POU6F2: variants seen among roughly 807,000 people sequenced by gnomAD.
POU6F2 encodes POU class 6 homeobox 2, also known as POU domain, class 6, transcription factor 2.
POU6F2 carries 31 observed loss-of-function variants against 71.3 expected under a neutral mutation model. The ratio of observed to expected loss-of-function variants is 0.43; its 90% CI spans 0.33 to 0.59. The LOEUF is 0.59. Among genes scored for constraint, POU6F2 ranks in the 20% least tolerant of loss-of-function variants. The probability of loss-of-function intolerance (pLI) is 0.04; values close to 1 mark genes in which losing one functional copy is unlikely to be tolerated. For missense variants in POU6F2, 783 were observed against 856.8 expected (o/e 0.91, Z 1.07); for synonymous variants, 347 against 355.7 (o/e 0.98, Z 0.27).
chr7:39,118,385 G>C (rs561439835), intron 2 of POU6F2, among the ~76,000 whole-genome samples: 1 of 152,082 alleles, frequency 6.6e-6, no homozygotes, highest in African/African-American at 2.4e-5. Flanking sequence ...AAAAATAGAA[G>C]CAATGTATAC....
chr7:39,371,396 G>A (rs1048369047), intron 5 of POU6F2, among the ~76,000 whole-genome samples: 2 of 152,052 alleles, frequency 1.3e-5, no homozygotes, highest in African/African-American at 4.8e-5. Context: ...GGTCAGGCTG[G>A]TCTCGAACTC....
chr7:38,987,809 G>T (rs529329765), intron 1 of POU6F2, among the ~76,000 whole-genome samples: 1 of 152,086 alleles, frequency 6.6e-6, no homozygotes, highest in African/African-American at 2.4e-5. Flanking sequence ...AGGTGGTAAT[G>T]AAATCTTATA....
intron 1 of POU6F2, among the ~76,000 whole-genome samples, chr7:39,017,803 A>G (rs961063168): frequency 1.3e-4 from 14 of 108,426 alleles, no homozygotes; most frequent in African/African-American, 5.0e-4. Context: ...TCATTCCCAG[A>G]TTGTGCATGC....
At chr7:39,443,098 G>A (rs1471220453) in intron 7 of POU6F2, among the ~76,000 whole-genome samples, 1 of 152,162 alleles carries the variant, frequency 6.6e-6, no homozygotes, top group Non-Finnish European at 1.5e-5. Flanking sequence ...TTCTCACGCA[G>A]CATCTGTCAG....
intron 5 of POU6F2, among the ~76,000 whole-genome samples, chr7:39,382,961 G>A (rs756849177): frequency 1.3e-5 from 2 of 152,126 alleles, no homozygotes; most frequent in African/African-American, 2.4e-5. Flanking sequence ...AATTATTGGT[G>A]TGGAAAGGTA....
At chr7:39,015,721 GAT>G (rs1354904800) in intron 1 of POU6F2, among the ~76,000 whole-genome samples, 1 of 90,542 alleles carries the variant, frequency 1.1e-5, no homozygotes, top group Non-Finnish European at 2.0e-5. Context: ...GTTATATAGA[GAT>G]ATATAACATA....
rs375873802 is a variant in POU6F2 at position 39,451,795 on chromosome 7, GCT to G, written c.1489+101_1489+102del. The G allele has an allele frequency of 8.8e-4, 1,228 of 1,401,066 alleles. 13 individuals carry two copies. The African/African-American group carries it at 0.016, about 18-fold the overall frequency. 86.8% of individuals were successfully genotyped at this position (1,401,066 alleles called of 1,614,324 possible). A position where few individuals can be genotyped will look rare whatever the true frequency, so the allele number is the denominator to read the frequency against. ...TCTTGTCTCTCTCTCACTCTCTCTT[GCT>G]CTCTCTTTCTCTCAACCCTGCACAG... On this transcript the variant is annotated intron_variant, in intron 8 of 9. Coordinates refer to ENST00000518318, the MANE Select transcript of POU6F2 (RefSeq NM_001370959.1).
At chr7:39,416,571 C>G (rs747517509) in intron 6 of POU6F2, among the ~76,000 whole-genome samples, 10 of 152,178 alleles carry the variant, frequency 6.6e-5, no homozygotes, top group African/African-American at 9.7e-5. Flanking sequence ...TCTAGATCCA[C>G]CCAGAATGAG....
At chr7:39,018,706 A>G (rs982252153) in intron 1 of POU6F2, among the ~76,000 whole-genome samples, 4 of 152,190 alleles carry the variant, frequency 2.6e-5, no homozygotes, top group South Asian at 2.1e-4. Flanking sequence ...AATAATCACT[A>G]TAAAACAAAA....
intron 4 of POU6F2, among the ~76,000 whole-genome samples, chr7:39,242,550 G>T (rs1262464620): frequency 6.6e-6 from 1 of 151,842 alleles, no homozygotes; most frequent in African/African-American, 2.4e-5. Context: ...TTTTTTGGGG[G>T]GGGTCATGAT....
At chr7:39,050,363 G>A (rs1346346676) in intron 1 of POU6F2, among the ~76,000 whole-genome samples, 2 of 152,036 alleles carry the variant, frequency 1.3e-5, no homozygotes, top group Non-Finnish European at 2.9e-5. Flanking sequence ...AAAGTTTATA[G>A]TTCAGACAGT....
intron 7 of POU6F2, among the ~76,000 whole-genome samples, chr7:39,437,156 C>T (rs1414768580): frequency 2.6e-5 from 4 of 152,096 alleles, no homozygotes; most frequent in Non-Finnish European, 5.9e-5. Flanking sequence ...AAGGAGGAGT[C>T]CCTCCTTTTC....
chr7:39,164,304 T>C (rs1440860796), intron 2 of POU6F2, among the ~76,000 whole-genome samples: 1 of 150,412 alleles, frequency 6.6e-6, no homozygotes, highest in African/African-American at 2.4e-5. Flanking sequence ...CCTACATCCA[T>C]GCTTTTCAAA....
chr7:39,068,170 A>G (rs1790799410), intron 1 of POU6F2, among the ~76,000 whole-genome samples: 1 of 152,214 alleles, frequency 6.6e-6, no homozygotes, highest in Non-Finnish European at 1.5e-5. Flanking sequence ...ATATTTATCT[A>G]TGTAGTTCTT....
At chr7:39,111,905 G>T (rs1319005101) in intron 2 of POU6F2, among the ~76,000 whole-genome samples, 2 of 151,938 alleles carry the variant, frequency 1.3e-5, no homozygotes, top group Admixed American at 6.6e-5. Context: ...GTTTCAGAGG[G>T]CTTACCAAAC....
At chr7:39,336,106 T>C (rs968901391) in intron 4 of POU6F2, among the ~76,000 whole-genome samples, 7 of 152,264 alleles carry the variant, frequency 4.6e-5, no homozygotes, top group African/African-American at 1.7e-4. Context: ...ACAGCTCTTT[T>C]CTTGTAGTAC....
chr7:39,451,236 G>T (rs1788651516), intron 7 of POU6F2, among the ~76,000 whole-genome samples: 1 of 152,044 alleles, frequency 6.6e-6, no homozygotes. Context: ...TAGACAGAAA[G>T]GTCCAGCCAC....
At chr7:39,297,159 T>C (rs1052360135) in intron 4 of POU6F2, among the ~76,000 whole-genome samples, 4 of 147,026 alleles carry the variant, frequency 2.7e-5, no homozygotes, top group Admixed American at 2.7e-4. Flanking sequence ...TTATGCCTAA[T>C]TATTTTAATA....
intron 8 of POU6F2, among the ~76,000 whole-genome samples, chr7:39,457,727 T>C (rs1270803180): frequency 6.6e-6 from 1 of 152,198 alleles, no homozygotes; most frequent in Non-Finnish European, 1.5e-5. Context: ...GTGACTCTTA[T>C]ACCTGCCAAA....
Sources: allele counts gnomAD v4.1 joint callset (sites outside exome capture counted in the v4.1 genomes callset), GRCh38; gene constraint gnomAD v4.1.1; transcripts MANE v1.5; gene names NCBI Gene and HGNC (gene_info 2026-07-23, HGNC 2026-07-21).